Variants in RPTOR observed in about 807,000 individuals in gnomAD.
RPTOR encodes the protein regulatory associated protein of MTOR complex 1.
In RPTOR, 21 loss-of-function variants were observed where a neutral mutation model predicts 169.9. The ratio of observed to expected loss-of-function variants is 0.12; its 90% CI spans 0.09 to 0.18. The LOEUF (loss-of-function observed/expected upper bound fraction) is 0.18, where lower values mean the gene tolerates loss of function less well. Among genes scored for constraint, RPTOR ranks in the 10% least tolerant of loss-of-function variants. RPTOR has a pLI of 1.00. For synonymous variants in RPTOR, 732 were observed against 753.2 expected, an observed-to-expected ratio of 0.97 and a Z score of 0.46; for missense variants, 1,133 against 1,855.9, an observed-to-expected ratio of 0.61 and a Z score of 7.16.
At chr17:80,729,187 C>G (rs2066367863) in intron 4 of RPTOR, among the ~76,000 whole-genome samples, 1 of 152,236 alleles carries the variant, frequency 6.6e-6, no homozygotes. Context: ...CCAGGCTTTG[C>G]TGGATCTGGC....
chr17:80,755,645 A>G (rs2066672797), intron 6 of RPTOR, among the ~76,000 whole-genome samples: 1 of 151,378 alleles, frequency 6.6e-6, no homozygotes, highest in Non-Finnish European at 1.5e-5. Flanking sequence ...AGGCTGAGGT[A>G]CTAGAATTGC....
chr17:80,931,415 A>T (rs568745147), intron 24 of RPTOR, among the ~76,000 whole-genome samples: 2 of 152,262 alleles, frequency 1.3e-5, no homozygotes, highest in Non-Finnish European at 2.9e-5. Context: ...GCAAGGCTAA[A>T]CCTGGACCAA....
At chr17:80,736,735 G>A (rs2066436882) in intron 5 of RPTOR, among the ~76,000 whole-genome samples, 1 of 152,222 alleles carries the variant, frequency 6.6e-6, no homozygotes, top group African/African-American at 2.4e-5. Flanking sequence ...TGTGGTTGTA[G>A]TGATTGCTGA....
At chr17:80,888,725 C>T (rs2068279231) in intron 17 of RPTOR, among the ~76,000 whole-genome samples, 1 of 152,266 alleles carries the variant, frequency 6.6e-6, no homozygotes, top group Non-Finnish European at 1.5e-5. Context: ...ACCCAGAACA[C>T]ACTTGTCAGG....
At chr17:80,699,862 G>A (rs1184249719) in intron 3 of RPTOR, among the ~76,000 whole-genome samples, 1 of 150,124 alleles carries the variant, frequency 6.7e-6, no homozygotes, top group East Asian at 2.0e-4. Flanking sequence ...TACAGTGATG[G>A]GGAGCTAGAG....
chr17:80,652,008 CA>C (rs34266102), intron 3 of RPTOR, among the ~76,000 whole-genome samples: 16 of 140,970 alleles, frequency 1.1e-4, no homozygotes, highest in Admixed American at 2.8e-4. Context: ...GACTCCGTCT[CA>C]AAAAAAAAAA....
In RPTOR at chr17:80,730,501, A is replaced by T. The variant is rs943153089; in HGVS notation, c.508-59A>T. 6.9e-5 allele frequency: 110 copies of T among 1,591,616 alleles called. No individual in the cohort carries two copies. The highest frequency in any genetic ancestry group is 8.9e-5 in the Non-Finnish European group (103 of 1,161,874). Reference sequence around the variant, plus strand: ...TGCCTTTTGTAACGGTGCAGTACTCACCAGCAGCCCATATTCCTGAGACGC... The same window carrying T: ...TGCCTTTTGTAACGGTGCAGTACTCTCCAGCAGCCCATATTCCTGAGACGC... On this transcript the variant is annotated intron_variant, in intron 4 of 33. Coordinates refer to ENST00000306801, the MANE Select transcript of RPTOR (RefSeq NM_020761.3). This position sits in a 1 kb window ranked among gnomAD's most constrained non-coding sequence, Gnocchi z 4.2.
intron 3 of RPTOR, among the ~76,000 whole-genome samples, chr17:80,658,312 C>G (rs2065695301): frequency 6.6e-6 from 1 of 152,182 alleles, no homozygotes; most frequent in Non-Finnish European, 1.5e-5. Context: ...AGGCTGCCAA[C>G]AACAATTTAG....
In RPTOR at chr17:80,960,003, T is replaced by G. The variant is rs2144096582; in HGVS notation, c.3478-75T>G. 4 of 1,572,024 alleles carry G rather than the reference T, an allele frequency of 2.5e-6. No homozygotes were observed. The highest frequency in any genetic ancestry group is 3.5e-6 in the Non-Finnish European group (4 of 1,152,578). ...ACAGCCAGGCAGGCAGCAAGAGGGGTCCTGGCGCTGCAGGACAGCAGGGAG... is the reference window on the plus strand; with the variant it reads ...ACAGCCAGGCAGGCAGCAAGAGGGGGCCTGGCGCTGCAGGACAGCAGGGAG... On this transcript the variant is annotated intron_variant, in intron 29 of 33. Coordinates refer to ENST00000306801, the MANE Select transcript of RPTOR (RefSeq NM_020761.3). The surrounding 1 kb of genome is among the most constrained non-coding windows in gnomAD (Gnocchi z 4.8).
intron 1 of RPTOR, among the ~76,000 whole-genome samples, chr17:80,616,611 C>T (rs1267902881): frequency 1.3e-5 from 2 of 152,160 alleles, no homozygotes; most frequent in South Asian, 4.1e-4. Flanking sequence ...AGTTGAAAAT[C>T]TTGTTCCATG....
chr17:80,918,414 C>T (rs1014579746), intron 21 of RPTOR, among the ~76,000 whole-genome samples: 17 of 151,798 alleles, frequency 1.1e-4, no homozygotes, highest in Non-Finnish European at 1.6e-4. Context: ...AGCACCCTCG[C>T]GGGGGTCATA....
At chr17:80,581,999 T>A (rs1049204484) in intron 1 of RPTOR, among the ~76,000 whole-genome samples, 1 of 152,178 alleles carries the variant, frequency 6.6e-6, no homozygotes, top group African/African-American at 2.4e-5. Flanking sequence ...GGATACTCCT[T>A]TCCAGGCTGA....
At chr17:80,710,567 TTGTATGTGTGTGTG>T (rs1030003339) in intron 4 of RPTOR, among the ~76,000 whole-genome samples, 6 of 110,540 alleles carry the variant, frequency 5.4e-5, no homozygotes, top group Admixed American at 2.0e-4. Context: ...CCTTGGTTAT[TTGTATGTGTGTGTG>T]TGTGTGTGTG....
intron 19 of RPTOR, among the ~76,000 whole-genome samples, chr17:80,893,350 TGTGTGTGTGCTGG>T (rs781742174): frequency 7.6e-6 from 1 of 132,348 alleles, no homozygotes; most frequent in Non-Finnish European, 1.6e-5. Flanking sequence ...TGCGCCAGGG[TGTGTGTGTGCTGG>T]GTGTGTGTGC....
Position 80,592,895 on chromosome 17 carries a change from A to G in RPTOR, c.163-32796A>G, listed in dbSNP as rs184200650. Among the ~76,000 whole-genome samples, 14 of 152,200 alleles carry G rather than the reference A, an allele frequency of 9.2e-5. No homozygotes were observed. In the East Asian group the frequency reaches 2.5e-3, roughly 27 times the overall value. ...CTGGATCTGCACTGATGGCGGGCGCAATGGCGGGCAGTGCTGTCGGAGTCT... is the reference window on the plus strand; with the variant it reads ...CTGGATCTGCACTGATGGCGGGCGCGATGGCGGGCAGTGCTGTCGGAGTCT... On this transcript the variant is annotated intron_variant, in intron 1 of 33. Coordinates refer to ENST00000306801, the MANE Select transcript of RPTOR (RefSeq NM_020761.3).
chr17:80,695,820 G>A lies in RPTOR; in HGVS notation c.349-12021G>A, dbSNP rs956503907. 2.0e-5 allele frequency among the ~76,000 whole-genome samples: 3 copies of A among 152,210 alleles called. No homozygotes were observed. The highest frequency in any genetic ancestry group is 2.9e-5 in the Non-Finnish European group (2 of 68,036). On this transcript the variant is annotated intron_variant, in intron 3 of 33. Transcript: ENST00000306801. This position sits in a 1 kb window ranked among gnomAD's most constrained non-coding sequence, Gnocchi z 4.9. ...AGAGGCACCAAGGCCAGGGAGGAGCGTTGGGGGTGGCTGGAGCTGGTGGGC... is the reference window on the plus strand; with the variant it reads ...AGAGGCACCAAGGCCAGGGAGGAGCATTGGGGGTGGCTGGAGCTGGTGGGC...
intron 5 of RPTOR, chr17:80,743,481 G>C (rs2066505540): frequency 1.0e-6 from 1 of 984,180 alleles, no homozygotes; most frequent in Non-Finnish European, 1.2e-6. Flanking sequence ...CCACTTGTGT[G>C]GGGAGCTCCA....
At chr17:80,685,199 G>GCACCTCATTCGGAGTCGCC in intron 3 of RPTOR, among the ~76,000 whole-genome samples, 84 of 151,226 alleles carry the variant, frequency 5.6e-4, no homozygotes, top group African/African-American at 1.0e-3. Flanking sequence ...ATTCAGGGTC[G>GCACCTCATTCGGAGTCGCC]CTTGTTGCGT....
intron 3 of RPTOR, among the ~76,000 whole-genome samples, chr17:80,652,592 CT>C (rs1364435988): frequency 3.3e-5 from 5 of 152,242 alleles, no homozygotes; most frequent in African/African-American, 1.2e-4. Context: ...AGCCTCAACT[CT>C]TTCTATAGCT....
Sources: gnomAD v4.1 joint callset for allele counts (sites outside exome capture counted in the v4.1 genomes callset) on GRCh38, gnomAD v4.1.1 for gene constraint, Gnocchi (gnomAD v3.1) non-coding constraint, MANE v1.5 for transcripts, NCBI Gene and HGNC (gene_info 2026-07-23, HGNC 2026-07-21) for gene names.